Variants in NUP210 observed in about 807,000 individuals in gnomAD.
The protein encoded by NUP210 is nucleoporin 210.
NUP210 carries 151 observed loss-of-function variants against 196.0 expected under a neutral mutation model. The ratio of observed to expected loss-of-function variants is 0.77; its 90% confidence interval spans 0.67 to 0.88. The LOEUF is 0.88. Among genes scored for constraint, NUP210 ranks in the 40% least tolerant of loss-of-function variants. The pLI is 0.00. For missense variants in NUP210, 2,314 were observed against 2,493.7 expected (o/e 0.93, Z 1.53); for synonymous variants, 1,070 against 1,052.7 (o/e 1.02, Z -0.32).
chr3:13,357,482 C>CA (rs1408753891), intron 16 of NUP210, among the ~76,000 whole-genome samples: 3 of 152,200 alleles, frequency 2.0e-5, no homozygotes, highest in Admixed American at 6.5e-5. Flanking sequence ...ATCCAAAACT[C>CA]AGACCTGTAT....
Position 13,341,881 on chromosome 3 carries a change from G to A in NUP210, c.3095C>T (p.Ala1032Val), listed in dbSNP as rs983480973. 4 of 1,614,062 alleles carry A rather than the reference G, an allele frequency of 2.5e-6. No individual in the cohort carries two copies. The highest frequency in any genetic ancestry group is 3.4e-6 in the Non-Finnish European group (4 of 1,180,040). ...GTAGTTGTCAAGGGCTTCATCAAGG[G>A]CCCTGAAACAGAGGGAAGGGCTGGG... The part of the protein sequence containing the change: ...RAASPIITLV[A>V]LDEALDNYTI... Residue 1032 changes from alanine (A) to valine (V), a missense_variant and splice_region_variant, in exon 23 of 40, where the codon GCC (alanine) becomes GTC (valine). Physicochemically the swap from Ala to Val is moderately conservative, Grantham distance 64. Transcript: ENST00000254508.
intron 20 of NUP210, among the ~76,000 whole-genome samples, chr3:13,351,402 A>G (rs1451576614): frequency 6.6e-6 from 1 of 152,260 alleles, no homozygotes; most frequent in African/African-American, 2.4e-5. Flanking sequence ...ACAAATCACA[A>G]AGGTTTCATG....
At chr3:13,385,894 A>G (rs145262977) in intron 6 of NUP210, among the ~76,000 whole-genome samples, 76 of 152,350 alleles carry the variant, frequency 5.0e-4, no homozygotes, top group African/African-American at 1.8e-3. Context: ...TTGCTACAAC[A>G]TGGATGAAAC....
At chr3:13,345,273 T>C (rs539311494) in intron 20 of NUP210, 138 of 974,664 alleles carry the variant, frequency 1.4e-4, no homozygotes, top group Middle Eastern at 1.1e-3. Flanking sequence ...ATTTGGAAAG[T>C]GCTGATTCTG....
At chr3:13,321,049 T>G (rs957714425) in intron 36 of NUP210, among the ~76,000 whole-genome samples, 4 of 152,268 alleles carry the variant, frequency 2.6e-5, no homozygotes, top group Non-Finnish European at 5.9e-5. Flanking sequence ...GCGATCACGC[T>G]GGCTGCAGCA....
At chr3:13,409,514 G>T (rs1700097347) in intron 1 of NUP210, among the ~76,000 whole-genome samples, 1 of 152,142 alleles carries the variant, frequency 6.6e-6, no homozygotes, top group African/African-American at 2.4e-5. Flanking sequence ...TTTCTTATGT[G>T]TCAATCACAG....
intron 13 of NUP210, among the ~76,000 whole-genome samples, chr3:13,369,268 T>C (rs1698645101): frequency 1.3e-5 from 2 of 152,216 alleles, no homozygotes; most frequent in Admixed American, 1.3e-4. Context: ...TACTGTTTGA[T>C]TGGGTTATTG....
At chr3:13,360,569 C>A in intron 14 of NUP210, 78 bp from the exon 15 acceptor site, 3 of 1,114,824 alleles carry the variant, frequency 2.7e-6, no homozygotes, top group Non-Finnish European at 3.9e-6. Context: ...AGCCCCACAT[C>A]CTCACCCCGC....
intron 1 of NUP210, among the ~76,000 whole-genome samples, chr3:13,415,351 C>T (rs1353995680): frequency 2.6e-5 from 4 of 152,224 alleles, no homozygotes; most frequent in Admixed American, 1.3e-4. Flanking sequence ...GGGTCTTCAC[C>T]GTGTGCCCTC....
chr3:13,318,965 G>A, intron 39 of NUP210, 107 bp downstream of exon 39: 1 of 1,128,942 alleles, frequency 8.9e-7, no homozygotes, highest in Non-Finnish European at 1.3e-6. Flanking sequence ...CTTTGGCCCA[G>A]GCAAGGGCCT....
intron 3 of NUP210, among the ~76,000 whole-genome samples, chr3:13,393,118 T>C (rs74463343): frequency 0.019 from 2,888 of 152,260 alleles, 30 homozygotes; most frequent in East Asian, 0.059. Flanking sequence ...CCAGCTCAGC[T>C]CCAAGCATGG....
chr3:13,393,321 A>G (rs777946723), intron 3 of NUP210, among the ~76,000 whole-genome samples: 1 of 152,134 alleles, frequency 6.6e-6, no homozygotes, highest in Non-Finnish European at 1.5e-5. Context: ...ATGCCTGCAG[A>G]CACTTCAGGG....
intron 1 of NUP210, among the ~76,000 whole-genome samples, chr3:13,406,062 G>A (rs1319786947): frequency 6.6e-6 from 1 of 152,158 alleles, no homozygotes; most frequent in African/African-American, 2.4e-5. Flanking sequence ...TCATTTTGAA[G>A]GAAATGTTCA....
chr3:13,343,182 A>G lies in NUP210; in HGVS notation c.2957T>C (p.Val986Ala). The G allele has an allele frequency of 6.2e-7, 1 of 1,614,150 alleles. No homozygotes were observed. The highest frequency in any genetic ancestry group is 8.5e-7 in the Non-Finnish European group (1 of 1,179,998). ...SDIQELYIRV[V>A]DKVEIGKTVK... ...CATGAAGCTTCCACTGACCTTGTCA[A>G]CCACACGGATGTACAGCTCCTGAAT... The change falls in exon 21 of 40, where the codon GTT (valine) becomes GCT (alanine). Residue 986 changes from valine to alanine, a missense_variant. Val to Ala is a moderately conservative substitution (Grantham distance 64). Transcript: ENST00000254508.
rs367601738 is a variant in NUP210, at chr3:13,327,354, C to T, written c.4370G>A (p.Arg1457His). ...RTVSVGLTLL[R>H]VWDAEHPGLS... ...GCCCGGGTGCTCTGCGTCCCACACACGGAGCAGTGTCAGGCCCACGCTGAC... is the reference window on the plus strand; with the variant it reads ...GCCCGGGTGCTCTGCGTCCCACACATGGAGCAGTGTCAGGCCCACGCTGAC... Residue 1457 changes from arginine to histidine, a missense_variant, in exon 32 of 40, where the codon CGT becomes CAT. Transcript: ENST00000254508. The T allele has an allele frequency of 4.0e-5, 65 of 1,613,336 alleles. No homozygotes were observed. Among genetic ancestry groups the T allele is most frequent in the Middle Eastern group, 1.6e-4 (1 of 6,080 alleles).
Position 13,353,968 on chromosome 3 carries a change from A to C in NUP210, c.2468T>G (p.Leu823Arg). Residue 823 changes from leucine to arginine, a missense_variant, in exon 17 of 40, where the codon CTG (leucine) becomes CGG (arginine). By Grantham distance (102) the Leu-to-Arg change is moderately radical (BLOSUM62 -2). Coordinates refer to ENST00000254508, the MANE Select transcript of NUP210 (RefSeq NM_024923.4). ...RPVLASIEPELPMQLVSQDDE... is the reference protein window; with the variant it reads ...RPVLASIEPERPMQLVSQDDE... Reference sequence around the variant, plus strand: ...GTCCTGGGACACCAGCTGCATGGGCAGCTCAGGCTCGATGCTGGCCAACAC... The same window carrying C: ...GTCCTGGGACACCAGCTGCATGGGCCGCTCAGGCTCGATGCTGGCCAACAC... 6.2e-7 allele frequency: 1 copy of C among 1,610,536 alleles called. No individual in the cohort carries two copies. The highest frequency in any genetic ancestry group is 8.5e-7 in the Non-Finnish European group (1 of 1,178,408).
At position 13,397,394 on chromosome 3, in the gene NUP210, G is replaced by C. The variant is rs1187178861; in HGVS notation, c.399C>G (p.Ser133=). 3.1e-6 allele frequency: 5 copies of C among 1,611,968 alleles called. No individual in the cohort carries two copies. In the South Asian group the frequency reaches 5.5e-5, roughly 18 times the overall value. Residue 133 remains serine, a synonymous_variant, in exon 3 of 40, where the codon TCC becomes TCG. Coordinates refer to ENST00000254508, the MANE Select transcript of NUP210 (RefSeq NM_024923.4). ...STTRELYLED[S]PLELKIQALD... ...GGGCCTGGATCTTCAGCTCCAGGGG[G>C]GAGTCCTCCAGGTAGAGCTCGCGGG...
intron 37 of NUP210, 112 bp from the exon 38 acceptor site, chr3:13,319,437 G>T: frequency 1.1e-6 from 1 of 911,540 alleles, no homozygotes; most frequent in Non-Finnish European, 1.7e-6. Flanking sequence ...CCTCTTAGAT[G>T]TAAGGATGGT....
intron 14 of NUP210, 137 bp downstream of exon 14, chr3:13,365,809 T>C (rs549356691): frequency 1.1e-6 from 1 of 951,048 alleles, no homozygotes; most frequent in East Asian, 2.4e-5. Context: ...CAGCCAGAAA[T>C]CATGGGAGAG....
Sources: allele counts gnomAD v4.1 joint callset (sites outside exome capture counted in the v4.1 genomes callset), GRCh38; gene constraint gnomAD v4.1.1; transcripts MANE v1.5; gene names NCBI Gene and HGNC (gene_info 2026-07-23, HGNC 2026-07-21).